PRR14L: variants seen among roughly 807,000 people sequenced by gnomAD.
PRR14L encodes the protein proline rich 14 like.
In PRR14L, 80 loss-of-function variants were observed where a neutral mutation model predicts 155.0. The observed-to-expected ratio is 0.52, with a 90% CI of 0.43 to 0.62. PRR14L has a LOEUF of 0.62. PRR14L is among the 20% of genes least tolerant of loss of function. The pLI, the probability that PRR14L is intolerant of heterozygous loss-of-function variation, is 0.00. For missense variants in PRR14L, 2,469 were observed against 2,548.0 expected (o/e 0.97, Z 0.67); for synonymous variants, 883 against 916.0 (o/e 0.96, Z 0.65).
chr22:31,729,373 G>A (rs2074735623), intron 2 of PRR14L, among the ~76,000 whole-genome samples: 1 of 152,006 alleles, frequency 6.6e-6, no homozygotes, highest in Admixed American at 6.6e-5. Flanking sequence ...CACTACGCCC[G>A]GCTAATTTTT....
chr22:31,711,248 G>A (rs1331456138), intron 4 of PRR14L, among the ~76,000 whole-genome samples: 2 of 152,092 alleles, frequency 1.3e-5, no homozygotes, highest in Admixed American at 6.6e-5. Context: ...CAAGGTGAGA[G>A]GATCACCGGA....
chr22:31,731,595 A>G (rs2074750726), intron 2 of PRR14L, among the ~76,000 whole-genome samples: 1 of 141,606 alleles, frequency 7.1e-6, no homozygotes, highest in Non-Finnish European at 1.5e-5. Flanking sequence ...AAAAAAAAAG[A>G]TAACTCCAAT....
chr22:31,685,834 A>T, intron 8 of PRR14L, 31 bp from the exon 9 acceptor site: 1 of 1,542,970 alleles, frequency 6.5e-7, no homozygotes, highest in Non-Finnish European at 8.8e-7. Flanking sequence ...AATCACCAAC[A>T]GACTGACTCA....
intron 4 of PRR14L, among the ~76,000 whole-genome samples, chr22:31,707,142 G>C (rs1186258205): frequency 6.6e-6 from 1 of 151,976 alleles, no homozygotes; most frequent in African/African-American, 2.4e-5. Context: ...CCAATGAAAA[G>C]TATCTACAAA....
intron 7 of PRR14L, among the ~76,000 whole-genome samples, chr22:31,696,568 C>T (rs1196251913): frequency 6.6e-6 from 1 of 152,204 alleles, no homozygotes; most frequent in Non-Finnish European, 1.5e-5. Flanking sequence ...CTACCATACC[C>T]AGCTCAATCT....
chr22:31,704,568 G>T, intron 5 of PRR14L, 87 bp downstream of exon 5: 1 of 1,045,680 alleles, frequency 9.6e-7, no homozygotes, highest in South Asian at 1.4e-5. Flanking sequence ...TCATGCCACA[G>T]ACGATCCACA....
At chr22:31,730,439 G>A (rs773882897) in intron 2 of PRR14L, among the ~76,000 whole-genome samples, 8 of 151,928 alleles carry the variant, frequency 5.3e-5, no homozygotes, top group African/African-American at 7.3e-5. Flanking sequence ...GCGAGACTCC[G>A]TCTCAAAAAA....
chr22:31,739,278 C>G lies in PRR14L; in HGVS notation c.-51-367G>C, dbSNP rs116743527. Among the ~76,000 whole-genome samples, 394 of 152,206 alleles carry G rather than the reference C, an allele frequency of 2.6e-3. 2 individuals are homozygous for G. The highest frequency in any genetic ancestry group is 8.1e-3 in the African/African-American group (338 of 41,548). On this transcript the variant is annotated intron_variant, in intron 1 of 8. Transcript: ENST00000327423. ...TTCTGTTTGTTTTCATGGGCATGAA[C>G]CTTACCTTTTTTGTTCACTGCCATA... is the stretch of plus-strand genomic sequence containing the variant.
chr22:31,695,223 A>G (rs1421479579), intron 7 of PRR14L, among the ~76,000 whole-genome samples: 1 of 152,228 alleles, frequency 6.6e-6, no homozygotes, highest in Non-Finnish European at 1.5e-5. Flanking sequence ...ATTGCTTTTC[A>G]GCTCAAAATC....
At chr22:31,749,721 G>A (rs1039872463) in intron 1 of PRR14L, among the ~76,000 whole-genome samples, 1 of 152,210 alleles carries the variant, frequency 6.6e-6, no homozygotes, top group South Asian at 2.1e-4. Flanking sequence ...TAAGTTGGGG[G>A]ATCCCTGTTG....
At chr22:31,727,966 A>G (rs1264551628) in intron 2 of PRR14L, among the ~76,000 whole-genome samples, 2 of 151,548 alleles carry the variant, frequency 1.3e-5, no homozygotes, top group Non-Finnish European at 2.9e-5. Flanking sequence ...GCAACAAAGC[A>G]AGTCACTGTC....
At chr22:31,687,890 G>A (rs191504760) in intron 8 of PRR14L, among the ~76,000 whole-genome samples, 94 of 151,824 alleles carry the variant, frequency 6.2e-4, no homozygotes, top group Non-Finnish European at 1.0e-3. Context: ...AATTAGCCGG[G>A]TGTGGTGGCG....
intron 4 of PRR14L, among the ~76,000 whole-genome samples, chr22:31,705,251 A>G (rs2074584020): frequency 6.6e-6 from 1 of 152,164 alleles, no homozygotes. Context: ...TCAGGGCAAG[A>G]CCCCATCTCT....
At chr22:31,725,708 T>C in intron 2 of PRR14L, 98 bp from the exon 3 acceptor site, 2 of 777,872 alleles carry the variant, frequency 2.6e-6, no homozygotes, top group Non-Finnish European at 2.1e-6. Context: ...GTCTTGCTGT[T>C]CCCAGACTGA....
At position 31,714,652 on chromosome 22, in the gene PRR14L, T is replaced by C; in HGVS notation, c.3187A>G (p.Lys1063Glu). ...ACGTCCAGCACACCTTCTGCAAGCT[T>C]ATTACTACAGTCCGTGTAGACGATG... ...VDIVYTDCSN[K>E]LAEGVLDVKA... The change falls in exon 4 of 9, where the codon AAG becomes GAG. Residue 1063 changes from lysine to glutamate, a missense_variant. Lys to Glu is a moderately conservative substitution (Grantham distance 56, BLOSUM62 1). Around this residue, in one of 2 missense-constraint regions of PRR14L, gnomAD observed 2,363 missense variants for 2,371.6 expected, o/e 1.00. Coordinates refer to ENST00000327423, the MANE Select transcript of PRR14L (RefSeq NM_173566.3). 6.4e-7 allele frequency: 1 copy of C among 1,552,214 alleles called. No homozygotes were observed. Among genetic ancestry groups the C allele is most frequent in the Non-Finnish European group, 8.7e-7 (1 of 1,147,100 alleles).
chr22:31,734,010 G>A (rs758191346), intron 2 of PRR14L, among the ~76,000 whole-genome samples: 1 of 151,770 alleles, frequency 6.6e-6, no homozygotes, highest in Non-Finnish European at 1.5e-5. Flanking sequence ...GTCTCACTCT[G>A]TCGCCAGGCT....
At position 31,713,072 on chromosome 22, in the gene PRR14L, G is replaced by A. The variant is rs2147863093; in HGVS notation, c.4767C>T (p.His1589=). ...ETAPTKSLVS[H]IPKQMSTPCH... ...ACGGTGTAGACATCTGCTTTGGTAT[G>A]TGACTAACCAAGCTCTTGGTAGGTG... The change falls in exon 4 of 9, where the codon CAC becomes CAT. Residue 1589 remains histidine (H), a synonymous_variant. Coordinates refer to ENST00000327423, the MANE Select transcript of PRR14L (RefSeq NM_173566.3). The A allele has an allele frequency of 6.4e-7, 1 of 1,552,352 alleles. No individual in the cohort carries two copies. Among genetic ancestry groups the A allele is most frequent in the South Asian group, 1.2e-5 (1 of 84,056 alleles).
At chr22:31,721,753 A>G (rs1230552379) in intron 3 of PRR14L, among the ~76,000 whole-genome samples, 2 of 152,180 alleles carry the variant, frequency 1.3e-5, no homozygotes, top group African/African-American at 4.8e-5. Flanking sequence ...TCCCAAGTAC[A>G]CAAGTTGATC....
rs17821493 is a variant in PRR14L at position 31,715,211 on chromosome 22, C to G, written c.2628G>C (p.Met876Ile). 2.3e-3 allele frequency: 3,623 copies of G among 1,552,204 alleles called. 51 individuals are homozygous for G. In the East Asian group the frequency reaches 0.045, roughly 19 times the overall value. Residue 876 changes from methionine to isoleucine, a missense_variant, in exon 4 of 9, where the codon ATG becomes ATC. Physicochemically the swap from Met to Ile is conservative, Grantham distance 10 (BLOSUM62 1). Transcript: ENST00000327423. Reference sequence around the variant, plus strand: ...TTCCACTATTTAACAAGCCTGCTACCATTTTGTTTCTGATCTTATCTCCTG... The same window carrying G: ...TTCCACTATTTAACAAGCCTGCTACGATTTTGTTTCTGATCTTATCTCCTG... ...SLPGDKIRNK[M>I]VAGLLNSGIS...
Sources: allele counts gnomAD v4.1 joint callset (sites outside exome capture counted in the v4.1 genomes callset), GRCh38; gene constraint gnomAD v4.1.1; regional missense constraint gnomAD v4.1.1; transcripts MANE v1.5; gene names NCBI Gene and HGNC (gene_info 2026-07-23, HGNC 2026-07-21).